Variants in SCHIP1 observed in about 807,000 individuals in gnomAD.
The protein encoded by SCHIP1 is schwannomin-interacting protein 1.
In SCHIP1, 8 loss-of-function variants were observed where a neutral mutation model predicts 29.7. That is an observed-to-expected ratio of 0.27 (90% confidence interval 0.16 to 0.49). SCHIP1 has a LOEUF of 0.49. Among genes scored for constraint, SCHIP1 ranks in the 20% least tolerant of loss-of-function variants. SCHIP1 has a pLI of 0.99. For synonymous variants in SCHIP1, 76 were observed against 94.9 expected, an observed-to-expected ratio of 0.80 and a Z score of 1.16; for missense variants, 193 against 294.6, an observed-to-expected ratio of 0.66 and a Z score of 2.52.
At chr3:159,578,980 T>C in the SCHIP1 span, among the ~76,000 whole-genome samples, 1 of 152,202 alleles carries the variant, frequency 6.6e-6, no homozygotes, top group Non-Finnish European at 1.5e-5. Flanking sequence ...GGCGGGGATT[T>C]TGTCTACTTC....
chr3:159,381,645 G>T, the SCHIP1 span, among the ~76,000 whole-genome samples: 1 of 151,762 alleles, frequency 6.6e-6, no homozygotes, highest in Non-Finnish European at 1.5e-5. Flanking sequence ...ACCAAGGCTG[G>T]AGTGCAGTGG....
the SCHIP1 span, among the ~76,000 whole-genome samples, chr3:159,650,851 C>T: frequency 3.9e-5 from 6 of 152,126 alleles, no homozygotes; most frequent in Admixed American, 3.9e-4. Flanking sequence ...TTATGGGAAA[C>T]ATGTGGTACT....
At chr3:159,490,074 A>G in the SCHIP1 span, among the ~76,000 whole-genome samples, 2 of 152,148 alleles carry the variant, frequency 1.3e-5, no homozygotes, top group South Asian at 2.1e-4. Context: ...GTAACTGCTG[A>G]GTAATTTTTG....
chr3:159,742,600 G>A, the SCHIP1 span, among the ~76,000 whole-genome samples: 4 of 151,986 alleles, frequency 2.6e-5, no homozygotes, highest in African/African-American at 4.8e-5. Flanking sequence ...ATGAGACCAC[G>A]GTATAAGTAT....
At chr3:159,805,976 A>G in the SCHIP1 span, among the ~76,000 whole-genome samples, 1 of 151,896 alleles carries the variant, frequency 6.6e-6, no homozygotes, top group Admixed American at 6.6e-5. Flanking sequence ...CACCCAGCTA[A>G]TTTTTGTATT....
chr3:159,288,468 A>G, the SCHIP1 span, among the ~76,000 whole-genome samples: 3 of 152,110 alleles, frequency 2.0e-5, no homozygotes, highest in South Asian at 2.1e-4. Context: ...AATAGAATCA[A>G]TGAAGGTGCC....
chr3:159,441,168 C>T, the SCHIP1 span, among the ~76,000 whole-genome samples: 2 of 152,162 alleles, frequency 1.3e-5, no homozygotes, highest in African/African-American at 4.8e-5. Flanking sequence ...CACACACACA[C>T]TCGCACATAC....
chr3:159,357,728 A>C, the SCHIP1 span, among the ~76,000 whole-genome samples: 1 of 152,212 alleles, frequency 6.6e-6, no homozygotes, highest in African/African-American at 2.4e-5. Context: ...AATAGTACTT[A>C]TTTATTTATT....
the SCHIP1 span, among the ~76,000 whole-genome samples, chr3:159,409,462 A>C: frequency 8.9e-3 from 1,350 of 152,266 alleles, 16 homozygotes; most frequent in African/African-American, 0.031. Context: ...TTAACATACA[A>C]AAATAATAGC....
chr3:159,559,683 T>G, the SCHIP1 span, among the ~76,000 whole-genome samples: 1 of 152,178 alleles, frequency 6.6e-6, no homozygotes, highest in African/African-American at 2.4e-5. Context: ...TATATTACAT[T>G]AGATTCTCTC....
the SCHIP1 span, among the ~76,000 whole-genome samples, chr3:159,421,812 C>A: frequency 6.6e-6 from 1 of 152,156 alleles, no homozygotes; most frequent in Non-Finnish European, 1.5e-5. Flanking sequence ...CAAGTAGTTC[C>A]TAACCCTCCA....
the SCHIP1 span, among the ~76,000 whole-genome samples, chr3:159,306,198 C>G: frequency 6.6e-6 from 1 of 152,186 alleles, no homozygotes; most frequent in Non-Finnish European, 1.5e-5. Flanking sequence ...TAATAACAGT[C>G]AGTGATATGA....
chr3:159,502,351 T>A, the SCHIP1 span, among the ~76,000 whole-genome samples: 1 of 152,324 alleles, frequency 6.6e-6, no homozygotes, highest in East Asian at 1.9e-4. Context: ...ATTGTTTACA[T>A]AGATGGGCTA....
At chr3:159,703,175 G>A in the SCHIP1 span, among the ~76,000 whole-genome samples, 1 of 152,162 alleles carries the variant, frequency 6.6e-6, no homozygotes, top group Non-Finnish European at 1.5e-5. Flanking sequence ...CAGGTAAGAA[G>A]GGTCAGTCAC....
chr3:159,381,109 T>C, the SCHIP1 span, among the ~76,000 whole-genome samples: 1 of 152,132 alleles, frequency 6.6e-6, no homozygotes, highest in African/African-American at 2.4e-5. Context: ...TTGTGTGAGG[T>C]GAATCATTTA....
chr3:159,821,571 TAACTA>T, the SCHIP1 span, among the ~76,000 whole-genome samples: 1 of 152,230 alleles, frequency 6.6e-6, no homozygotes, highest in Non-Finnish European at 1.5e-5. Flanking sequence ...CTTTCCATCT[TAACTA>T]AGAACTTATA....
chr3:159,302,267 C>A, the SCHIP1 span, among the ~76,000 whole-genome samples: 5 of 152,240 alleles, frequency 3.3e-5, no homozygotes, highest in African/African-American at 1.2e-4. Flanking sequence ...GAGGAAATCT[C>A]AGTCCTGAGC....
the SCHIP1 span, among the ~76,000 whole-genome samples, chr3:159,740,081 C>T: frequency 2.6e-5 from 4 of 152,244 alleles, no homozygotes; most frequent in Non-Finnish European, 1.5e-5. Context: ...GCCAACTCTT[C>T]TTTCTGCACC....
the SCHIP1 span, among the ~76,000 whole-genome samples, chr3:159,600,332 T>G: frequency 3.3e-5 from 5 of 152,238 alleles, no homozygotes; most frequent in Admixed American, 1.3e-4. Context: ...TACTGATAAC[T>G]TGTATATTCA....
Sources: allele counts gnomAD v4.1 joint callset (sites outside exome capture counted in the v4.1 genomes callset), GRCh38; gene constraint gnomAD v4.1.1; transcripts MANE v1.5; gene names NCBI Gene and HGNC (gene_info 2026-07-23, HGNC 2026-07-21).